The following COPS4 variants were observed in gnomAD, a reference collection of about 807,000 sequenced individuals.
The protein encoded by COPS4 is COP9 signalosome subunit 4.
In COPS4, 8 loss-of-function variants were observed where a neutral mutation model predicts 55.1. The ratio of observed to expected loss-of-function variants is 0.15; its 90% CI spans 0.09 to 0.26. The LOEUF (loss-of-function observed/expected upper bound fraction) is 0.26. Among genes scored for constraint, COPS4 ranks in the 10% least tolerant of loss-of-function variants. The pLI, the probability that COPS4 is intolerant of heterozygous loss-of-function variation, is 1.00. For synonymous variants in COPS4, 185 were observed against 165.7 expected, an observed-to-expected ratio of 1.12 and a Z score of -0.90; for missense variants, 248 against 484.0, an observed-to-expected ratio of 0.51 and a Z score of 4.58.
chr4:83,068,815 TA>T (rs1210195543), intron 9 of COPS4, among the ~76,000 whole-genome samples: 1 of 151,804 alleles, frequency 6.6e-6, no homozygotes, highest in Non-Finnish European at 1.5e-5. Flanking sequence ...ACTAAAAATA[TA>T]AAAATTAGCC....
At chr4:83,044,743 C>G (rs1046473736) in intron 1 of COPS4, among the ~76,000 whole-genome samples, 9 of 152,166 alleles carry the variant, frequency 5.9e-5, no homozygotes, top group Non-Finnish European at 1.2e-4. Flanking sequence ...CCACTGCACT[C>G]CAGCCTGGGT....
intron 9 of COPS4, chr4:83,073,220 C>A: frequency 1.5e-6 from 1 of 677,668 alleles, no homozygotes. Flanking sequence ...TGGCAACCAC[C>A]AATCCATCTT....
At chr4:83,035,724 A>T (rs1174192417) in intron 1 of COPS4, 1 of 163,890 alleles carries the variant, frequency 6.1e-6, no homozygotes, top group Non-Finnish European at 1.3e-5. Context: ...TGGGGCCTTG[A>T]TGCTGCGTTT....
chr4:83,073,952 G>A (rs745604664), intron 9 of COPS4, among the ~76,000 whole-genome samples: 13 of 88,032 alleles, frequency 1.5e-4, no homozygotes, highest in Non-Finnish European at 3.0e-4. Context: ...GTGAGACTCC[G>A]TCTCAAAAAA....
chr4:83,062,170 CTG>C (rs1480406831), intron 6 of COPS4, among the ~76,000 whole-genome samples: 2 of 152,106 alleles, frequency 1.3e-5, no homozygotes, highest in East Asian at 1.9e-4. Flanking sequence ...TAAATTGAAA[CTG>C]TGAATATTAA....
At position 83,071,374 on chromosome 4, in the gene COPS4, A is replaced by C. The variant is rs1731426615; in HGVS notation, c.1087+2852A>C. 3.3e-5 allele frequency among the ~76,000 whole-genome samples: 5 copies of C among 151,472 alleles called. No individual in the cohort carries two copies. In the South Asian group the frequency reaches 8.4e-4, roughly 25 times the overall value. On this transcript the variant is annotated intron_variant, in intron 9 of 9. Coordinates refer to ENST00000264389, the MANE Select transcript of COPS4 (RefSeq NM_016129.3). ...TGTCTATTTCCTCCCTTCCCTCACA[A>C]CTCTCCTTCTGGCCTTCCAGTATCA...
At chr4:83,053,578 C>T (rs550306369) in intron 4 of COPS4, among the ~76,000 whole-genome samples, 10 of 152,220 alleles carry the variant, frequency 6.6e-5, no homozygotes, top group South Asian at 6.2e-4. Flanking sequence ...TGGTAGCTCA[C>T]GCCTGTAATC....
At chr4:83,046,434 A>G (rs1472130364) in intron 2 of COPS4, among the ~76,000 whole-genome samples, 2 of 152,234 alleles carry the variant, frequency 1.3e-5, no homozygotes, top group African/African-American at 4.8e-5. Context: ...ATTACTGAGT[A>G]TATATCCAAA....
chr4:83,075,485 T>C lies in COPS4; in HGVS notation c.*55T>C, dbSNP rs1455741801. ...TCTTTTTCCATGTTGTGCAGATCAG[T>C]TTCACTATCTCCAAAGCATTTGCAT... On this transcript the variant is annotated 3_prime_UTR_variant, in exon 10 of 10. Transcript: ENST00000264389. 2 of 1,597,008 alleles carry C rather than the reference T, an allele frequency of 1.3e-6. No individual in the cohort carries two copies. The highest frequency in any genetic ancestry group is 4.5e-5 in the East Asian group (2 of 44,738).
intron 7 of COPS4, among the ~76,000 whole-genome samples, chr4:83,065,558 G>C (rs1578719673): frequency 6.6e-6 from 1 of 152,190 alleles, no homozygotes; most frequent in African/African-American, 2.4e-5. Context: ...CATTATAGTA[G>C]TTAAATGTTC....
At chr4:83,046,077 C>T (rs562357384) in intron 2 of COPS4, among the ~76,000 whole-genome samples, 44 of 151,918 alleles carry the variant, frequency 2.9e-4, no homozygotes, top group Non-Finnish European at 5.0e-4. Context: ...ATCTAATGTA[C>T]CTAAAATGTA....
In COPS4 at chr4:83,056,950, G is replaced by T. The variant is rs776514138; in HGVS notation, c.435G>T (p.Leu145=). Residue 145 remains leucine (L), a synonymous_variant, in exon 5 of 10, where the codon CTG becomes CTT. Transcript: ENST00000264389. The part of the protein sequence containing the change: ...GQKQYNVDYK[L]ETYLKIARLY... ...GACAGTACAATGTAGATTATAAACT[G>T]GAGACTTACTTGAAGATTGCTAGGC... 1.2e-6 allele frequency: 2 copies of T among 1,612,996 alleles called. No individual in the cohort carries two copies. The highest frequency in any genetic ancestry group is 2.2e-5 in the South Asian group (2 of 91,028).
At chr4:83,039,010 T>C (rs539219323) in intron 1 of COPS4, among the ~76,000 whole-genome samples, 1 of 152,322 alleles carries the variant, frequency 6.6e-6, no homozygotes, top group African/African-American at 2.4e-5. Flanking sequence ...GTCTGTGGAT[T>C]TGTTTTTACT....
intron 1 of COPS4, among the ~76,000 whole-genome samples, chr4:83,037,171 C>G (rs1416536187): frequency 6.6e-6 from 1 of 152,178 alleles, no homozygotes; most frequent in African/African-American, 2.4e-5. Flanking sequence ...TGCACAGTCT[C>G]TCATTCAGTA....
At chr4:83,065,063 C>G (rs981238701) in intron 7 of COPS4, 11 of 689,984 alleles carry the variant, frequency 1.6e-5, no homozygotes, top group Non-Finnish European at 2.9e-5. Flanking sequence ...TTTGTAGAGA[C>G]AGGATCTCTC....
In COPS4 at chr4:83,060,989, G is replaced by A. The variant is rs548985662; in HGVS notation, c.716-2087G>A. Among the ~76,000 whole-genome samples, 46 of 150,770 alleles carry A rather than the reference G, an allele frequency of 3.1e-4. No homozygotes were observed. The South Asian group carries it at 8.2e-3, about 27-fold the overall frequency. On this transcript the variant is annotated intron_variant, in intron 6 of 9. Coordinates refer to ENST00000264389, the MANE Select transcript of COPS4 (RefSeq NM_016129.3). ...GCAGAGATTGCAGCGAGCTGAGATC[G>A]CGCCATTGCACTCCAGCCTGGGTAA... is the stretch of plus-strand genomic sequence containing the variant.
chr4:83,075,159 T>G, intron 9 of COPS4, 138 bp from the exon 10 acceptor site: 1 of 683,554 alleles, frequency 1.5e-6, no homozygotes. Context: ...TTTGAATAGC[T>G]TTTTTCTGTT....
At chr4:83,064,760 G>GTGTT (rs986994882) in intron 7 of COPS4, among the ~76,000 whole-genome samples, 10 of 149,708 alleles carry the variant, frequency 6.7e-5, no homozygotes, top group African/African-American at 2.5e-4. Flanking sequence ...GGGTCTCACT[G>GTGTT]TGTTGCCCAG....
chr4:83,049,098 A>G, intron 2 of COPS4, 68 bp from the exon 3 acceptor site: 2 of 1,438,718 alleles, frequency 1.4e-6, no homozygotes, highest in Non-Finnish European at 1.9e-6. Flanking sequence ...AATTTTAAGT[A>G]AAGGTTGATT....
Sources: gnomAD v4.1 joint callset for allele counts (sites outside exome capture counted in the v4.1 genomes callset) on GRCh38, gnomAD v4.1.1 for gene constraint, MANE v1.5 for transcripts, NCBI Gene and HGNC (gene_info 2026-07-23, HGNC 2026-07-21) for gene names.